The following CACNA2D3 variants were observed in gnomAD, a reference collection of about 807,000 sequenced individuals.
CACNA2D3 encodes voltage-dependent calcium channel subunit alpha-2/delta-3.
CACNA2D3 carries 60 observed loss-of-function variants against 160.6 expected under a neutral mutation model. The ratio of observed to expected loss-of-function variants is 0.37; its 90% CI spans 0.30 to 0.46. The LOEUF is 0.46. Among genes scored for constraint, CACNA2D3 ranks in the 20% least tolerant of loss-of-function variants. The pLI, the probability that CACNA2D3 is intolerant of heterozygous loss-of-function variation, is 1.00. For missense variants in CACNA2D3, 1,205 were observed against 1,365.0 expected (o/e 0.88, Z 1.85); for synonymous variants, 558 against 492.9 (o/e 1.13, Z -1.75).
At chr3:54,295,034 A>G (rs1279911442) in intron 2 of CACNA2D3, among the ~76,000 whole-genome samples, 1 of 152,208 alleles carries the variant, frequency 6.6e-6, no homozygotes. Context: ...TTGAAGAAAT[A>G]AATCCATTTT....
At chr3:54,412,862 A>C (rs1037584898) in intron 4 of CACNA2D3, among the ~76,000 whole-genome samples, 1 of 151,748 alleles carries the variant, frequency 6.6e-6, no homozygotes, top group East Asian at 1.9e-4. Context: ...TATATATGTT[A>C]TAAATCTCAT....
intron 29 of CACNA2D3, among the ~76,000 whole-genome samples, chr3:54,972,965 G>C (rs1443944126): frequency 1.3e-5 from 2 of 152,164 alleles, no homozygotes; most frequent in Non-Finnish European, 2.9e-5. Context: ...AGTCAGAAAA[G>C]GCCCTGCTCT....
chr3:54,350,986 G>GTT (rs796392854), intron 3 of CACNA2D3, among the ~76,000 whole-genome samples: 699 of 65,898 alleles, frequency 0.011, 97 homozygotes, highest in Non-Finnish European at 0.017. Flanking sequence ...TTTTTTGTTT[G>GTT]TTTTTTTTTT....
intron 4 of CACNA2D3, among the ~76,000 whole-genome samples, chr3:54,500,591 TTTCTCTTTTTCTTTCC>T (rs1701278835): frequency 6.6e-6 from 1 of 151,456 alleles, no homozygotes; most frequent in African/African-American, 2.4e-5. Context: ...CCTTTCTTTC[TTTCTCTTTTTCTTTCC>T]TTATTTCTTT....
intron 2 of CACNA2D3, among the ~76,000 whole-genome samples, chr3:54,287,309 A>G (rs1392020461): frequency 1.3e-5 from 2 of 152,200 alleles, no homozygotes; most frequent in East Asian, 3.9e-4. Flanking sequence ...TAAACCAACA[A>G]AGATCAAAAG....
At chr3:54,249,697 A>ACC (rs1553767403) in intron 2 of CACNA2D3, among the ~76,000 whole-genome samples, 15 of 144,632 alleles carry the variant, frequency 1.0e-4, no homozygotes, top group Middle Eastern at 3.6e-3. Flanking sequence ...ACACACACAC[A>ACC]CCCCTCATCC....
At chr3:54,810,235 C>T (rs1703267340) in intron 13 of CACNA2D3, among the ~76,000 whole-genome samples, 1 of 152,126 alleles carries the variant, frequency 6.6e-6, no homozygotes, top group Non-Finnish European at 1.5e-5. Context: ...TCAGATCATT[C>T]TGGGTGCCAT....
At chr3:54,162,721 G>C (rs1236913776) in intron 2 of CACNA2D3, among the ~76,000 whole-genome samples, 1 of 152,166 alleles carries the variant, frequency 6.6e-6, no homozygotes, top group Non-Finnish European at 1.5e-5. Context: ...TAACCTAGTA[G>C]GGAAGACAGT....
At chr3:54,539,612 G>A (rs890588300) in intron 5 of CACNA2D3, among the ~76,000 whole-genome samples, 1 of 152,172 alleles carries the variant, frequency 6.6e-6, no homozygotes, top group African/African-American at 2.4e-5. Context: ...GGTCCTTGTG[G>A]ACACACACAT....
intron 35 of CACNA2D3, 65 bp from the exon 36 acceptor site, chr3:55,073,380 T>C (rs534915475): frequency 1.2e-5 from 15 of 1,230,148 alleles, no homozygotes; most frequent in Admixed American, 1.7e-5. Flanking sequence ...AGGAGAGAAG[T>C]CTTCCTCATG....
chr3:54,476,046 A>ATTTTTTT (rs35383482), intron 4 of CACNA2D3, among the ~76,000 whole-genome samples: 1 of 135,258 alleles, frequency 7.4e-6, no homozygotes, highest in African/African-American at 2.7e-5. Context: ...TGTAAGTTTG[A>ATTTTTTT]TTTTTTTTTT....
At chr3:54,287,023 A>T (rs9880865) in intron 2 of CACNA2D3, among the ~76,000 whole-genome samples, 14,429 of 151,900 alleles carry the variant, frequency 0.095, 898 homozygotes, top group East Asian at 0.21. Context: ...CATCAACTAA[A>T]GAGCAAAATC....
At chr3:54,998,175 C>T (rs1702900980) in intron 31 of CACNA2D3, among the ~76,000 whole-genome samples, 1 of 145,110 alleles carries the variant, frequency 6.9e-6, no homozygotes, top group Non-Finnish European at 1.5e-5. Flanking sequence ...ATTGCCCATG[C>T]CCAGGCTGGA....
chr3:54,149,499 C>T (rs996188997), intron 2 of CACNA2D3, among the ~76,000 whole-genome samples: 1 of 152,060 alleles, frequency 6.6e-6, no homozygotes, highest in South Asian at 2.1e-4. Flanking sequence ...TGAAAGTATT[C>T]GGAGTGAGGC....
At position 54,888,059 on chromosome 3, in the gene CACNA2D3, G is replaced by A. The variant is rs1699966926; in HGVS notation, c.2150+7G>A. ...TGGCCCTCAACAAATCTGAGTAAGTGGTTGCACGTGTCCTCGTTTCATGGC... is the reference window on the plus strand; with the variant it reads ...TGGCCCTCAACAAATCTGAGTAAGTAGTTGCACGTGTCCTCGTTTCATGGC... On this transcript the variant is annotated splice_region_variant and intron_variant, in intron 24 of 37. Coordinates refer to ENST00000474759, the MANE Select transcript of CACNA2D3 (RefSeq NM_018398.3). 1 of 1,603,884 alleles carries A rather than the reference G, an allele frequency of 6.2e-7. No homozygotes were observed. Among genetic ancestry groups the A allele is most frequent in the African/African-American group, 1.3e-5 (1 of 74,832 alleles).
chr3:54,852,326 T>A (rs1699077170), intron 17 of CACNA2D3, among the ~76,000 whole-genome samples: 2 of 152,244 alleles, frequency 1.3e-5, no homozygotes, highest in African/African-American at 4.8e-5. Context: ...AGACAAACTG[T>A]CATGGAGGCC....
At chr3:54,408,540 A>T (rs1298480583) in intron 4 of CACNA2D3, among the ~76,000 whole-genome samples, 1 of 152,206 alleles carries the variant, frequency 6.6e-6, no homozygotes, top group Admixed American at 6.5e-5. Context: ...CCGAAAAAGT[A>T]ACCTGTAGTA....
At chr3:54,918,076 A>C (rs1408619061) in intron 27 of CACNA2D3, among the ~76,000 whole-genome samples, 1 of 152,144 alleles carries the variant, frequency 6.6e-6, no homozygotes, top group East Asian at 1.9e-4. Context: ...TGGACCATAA[A>C]GCTCCCAGGA....
chr3:54,290,412 G>T (rs1457495260), intron 2 of CACNA2D3, among the ~76,000 whole-genome samples: 6 of 152,150 alleles, frequency 3.9e-5, no homozygotes, highest in African/African-American at 1.4e-4. Flanking sequence ...GGAAACAACA[G>T]GTGCTGGAGA....
Sources: allele counts gnomAD v4.1 joint callset (sites outside exome capture counted in the v4.1 genomes callset), GRCh38; gene constraint gnomAD v4.1.1; transcripts MANE v1.5; gene names NCBI Gene and HGNC (gene_info 2026-07-23, HGNC 2026-07-21).